The following AGGF1 variants were observed in gnomAD, a reference collection of about 807,000 sequenced individuals.
AGGF1 encodes the protein angiogenic factor with G-patch and FHA domains 1.
Under a neutral mutation model 86.5 loss-of-function variants are expected in AGGF1, and 56 were observed. The observed-to-expected ratio is 0.65, with a 90% CI of 0.52 to 0.81. AGGF1 has a LOEUF of 0.81. AGGF1 is among the 30% of genes least tolerant of loss of function. AGGF1 has a pLI of 0.00. For synonymous variants in AGGF1, 313 were observed against 297.1 expected, an observed-to-expected ratio of 1.05 and a Z score of -0.55; for missense variants, 816 against 850.9, an observed-to-expected ratio of 0.96 and a Z score of 0.51.
intron 10 of AGGF1, 95 bp downstream of exon 10, chr5:77,054,225 A>G: frequency 5.7e-6 from 8 of 1,403,974 alleles, no homozygotes; most frequent in Non-Finnish European, 8.1e-6. Context: ...CTACATGTCT[A>G]ATTGATACGA....
chr5:77,042,274 A>G (rs1416480090), intron 5 of AGGF1, among the ~76,000 whole-genome samples: 1 of 148,656 alleles, frequency 6.7e-6, no homozygotes, highest in Non-Finnish European at 1.5e-5. Context: ...CCGCCTTTCT[A>G]TTCCACAAAG....
chr5:77,038,823 G>A (rs1220232786), intron 4 of AGGF1, among the ~76,000 whole-genome samples: 2 of 152,112 alleles, frequency 1.3e-5, no homozygotes, highest in Non-Finnish European at 2.9e-5. Context: ...GTACTGGCCA[G>A]TATATCATAA....
intron 5 of AGGF1, among the ~76,000 whole-genome samples, chr5:77,045,518 T>TA (rs1224413004): frequency 6.6e-6 from 1 of 152,212 alleles, no homozygotes; most frequent in African/African-American, 2.4e-5. Flanking sequence ...ATAAAAGACT[T>TA]ATGCCAGGCA....
At chr5:77,054,894 A>G (rs533878829) in intron 10 of AGGF1, among the ~76,000 whole-genome samples, 1 of 152,108 alleles carries the variant, frequency 6.6e-6, no homozygotes, top group Admixed American at 6.5e-5. Context: ...TTTCTGTCCT[A>G]TTGATAGCTC....
At chr5:77,051,511 CTT>C (rs1747373632) in intron 8 of AGGF1, among the ~76,000 whole-genome samples, 1 of 151,918 alleles carries the variant, frequency 6.6e-6, no homozygotes, top group African/African-American at 2.4e-5. Flanking sequence ...TTTCACACCT[CTT>C]AGGCTAGCAA....
chr5:77,032,369 C>T (rs1015391493), intron 1 of AGGF1, among the ~76,000 whole-genome samples: 3 of 150,990 alleles, frequency 2.0e-5, no homozygotes, highest in African/African-American at 4.9e-5. Flanking sequence ...AGATCGAGAC[C>T]ATCCTGGCTA....
At chr5:77,035,807 T>A (rs1161267921) in intron 3 of AGGF1, 64 bp downstream of exon 3, 1 of 1,422,814 alleles carries the variant, frequency 7.0e-7, no homozygotes, top group Admixed American at 1.7e-5. Context: ...GTTGTTATTA[T>A]GTGGAAAGAT....
At chr5:77,044,305 A>T (rs375878003) in intron 5 of AGGF1, among the ~76,000 whole-genome samples, 5 of 152,226 alleles carry the variant, frequency 3.3e-5, no homozygotes, top group African/African-American at 1.2e-4. Flanking sequence ...GCACTCGACA[A>T]GAACTTTTAA....
In AGGF1 at chr5:77,052,740, A is replaced by G. The variant is rs199779731; in HGVS notation, c.1400A>G (p.Gln467Arg). Residue 467 changes from glutamine to arginine, a missense_variant, in exon 9 of 14, where the codon CAA (glutamine) becomes CGA (arginine). This residue lies in a region of AGGF1 where 565 missense variants were observed against 585.8 expected (regional missense o/e 0.96). Transcript: ENST00000312916. ...GAAATTTATTTTGACCATGACTTAC[A>G]AAGTTATGTCCTTGTGGATCAAGGC... Reference protein sequence around the residue: ...HAEIYFDHDLQSYVLVDQGSQ... With the variant: ...HAEIYFDHDLRSYVLVDQGSQ... The G allele has an allele frequency of 1.2e-6, 2 of 1,613,576 alleles. No individual in the cohort carries two copies. The highest frequency in any genetic ancestry group is 1.7e-6 in the Non-Finnish European group (2 of 1,179,816).
chr5:77,051,354 A>G (rs1747370440), intron 8 of AGGF1, among the ~76,000 whole-genome samples: 1 of 151,144 alleles, frequency 6.6e-6, no homozygotes, highest in Non-Finnish European at 1.5e-5. Flanking sequence ...AATGGCATGA[A>G]CCTGGGAGGT....
At chr5:77,043,035 G>T (rs1747152032) in intron 5 of AGGF1, among the ~76,000 whole-genome samples, 4 of 79,732 alleles carry the variant, frequency 5.0e-5, no homozygotes, top group Admixed American at 4.4e-4. Flanking sequence ...TCCCGGACGG[G>T]GCGGCTGGCC....
In AGGF1 at chr5:77,030,739, G is replaced by A. The variant is rs1746826742; in HGVS notation, c.-28G>A. 1.9e-6 allele frequency: 3 copies of A among 1,550,444 alleles called. No individual in the cohort carries two copies. Among genetic ancestry groups the A allele is most frequent in the Non-Finnish European group, 2.6e-6 (3 of 1,155,020 alleles). ...TTCGGCCTGAACGCAGCCCCTCCGCGGCGACGAGCAGTCTCGCGCCGGAGC... is the reference window on the plus strand; with the variant it reads ...TTCGGCCTGAACGCAGCCCCTCCGCAGCGACGAGCAGTCTCGCGCCGGAGC... On this transcript the variant is annotated 5_prime_UTR_variant, in exon 1 of 14. Coordinates refer to ENST00000312916, the MANE Select transcript of AGGF1 (RefSeq NM_018046.5).
chr5:77,039,813 C>CTAATTTTCCTAG, intron 5 of AGGF1, 94 bp downstream of exon 5: 1 of 1,120,970 alleles, frequency 8.9e-7, no homozygotes. Flanking sequence ...TTCAATAACT[C>CTAATTTTCCTAG]TGCATTTCAA....
In AGGF1 at chr5:77,055,958, T is replaced by G. The variant is rs548929551; in HGVS notation, c.1716+362T>G. Among the ~76,000 whole-genome samples, 7 of 152,324 alleles carry G rather than the reference T, an allele frequency of 4.6e-5. No homozygotes were observed. The South Asian group carries it at 1.4e-3, about 32-fold the overall frequency. On this transcript the variant is annotated intron_variant, in intron 11 of 13. Coordinates refer to ENST00000312916, the MANE Select transcript of AGGF1 (RefSeq NM_018046.5). ...CTGCAGTGAGCTGTGATCACACTTA[T>G]GAATAGGCTCTGCACTCCAGCCTGG...
intron 3 of AGGF1, among the ~76,000 whole-genome samples, 153 bp from the exon 4 acceptor site, chr5:77,036,403 A>T (rs1418580219): frequency 1.3e-5 from 2 of 152,228 alleles, no homozygotes; most frequent in Admixed American, 1.3e-4. Flanking sequence ...AAATGTTGTA[A>T]TAAGTGGTTC....
At chr5:77,059,768 G>A (rs778029534) in intron 12 of AGGF1, 25 bp downstream of exon 12, 9 of 1,611,932 alleles carry the variant, frequency 5.6e-6, no homozygotes, top group African/African-American at 1.3e-5. Context: ...ACAGTGGCTC[G>A]AAACATCCTT....
At chr5:77,035,864 T>G in intron 3 of AGGF1, 121 bp downstream of exon 3, 2 of 819,950 alleles carry the variant, frequency 2.4e-6, no homozygotes, top group South Asian at 3.1e-5. Context: ...ATAAACATTC[T>G]TATGTGTAAT....
At position 77,054,106 on chromosome 5, in the gene AGGF1, C is replaced by T. The variant is rs1489246343; in HGVS notation, c.1609C>T (p.Leu537Phe). 6.2e-7 allele frequency: 1 copy of T among 1,614,102 alleles called. No homozygotes were observed. Among genetic ancestry groups the T allele is most frequent in the Non-Finnish European group, 8.5e-7 (1 of 1,180,006 alleles). ...AGGGCAGGTTAGAGCCCACCTTCGC[C>T]TTGATAAGAAAGATGAATCTTTTGG... ...EPGQVRAHLR[L>F]DKKDESFVGP... The change falls in exon 10 of 14, where the codon CTT becomes TTT. Residue 537 changes from leucine (L) to phenylalanine (F), a missense_variant. Around this residue, in one of 3 missense-constraint regions of AGGF1, gnomAD observed 565 missense variants for 585.8 expected, o/e 0.96. Transcript: ENST00000312916.
intron 12 of AGGF1, among the ~76,000 whole-genome samples, chr5:77,061,449 C>A (rs558946035): frequency 6.6e-5 from 10 of 152,324 alleles, no homozygotes; most frequent in African/African-American, 2.2e-4. Context: ...CATTGCCAGA[C>A]ATCTGGATCA....
Sources: gnomAD v4.1 joint callset for allele counts (sites outside exome capture counted in the v4.1 genomes callset) on GRCh38, gnomAD v4.1.1 for gene constraint, gnomAD v4.1.1 regional missense constraint, MANE v1.5 for transcripts, NCBI Gene and HGNC (gene_info 2026-07-23, HGNC 2026-07-21) for gene names.